The following SDK1 variants were observed in gnomAD, a reference collection of about 807,000 sequenced individuals.
SDK1 encodes the protein protein sidekick-1.
A neutral mutation model predicts 245.5 loss-of-function variants in SDK1; 157 were observed. The observed-to-expected ratio is 0.64, with a 90% CI of 0.56 to 0.73. The LOEUF (loss-of-function observed/expected upper bound fraction) is 0.73, where lower values mean the gene tolerates loss of function less well. Ranked by LOEUF, SDK1 falls within the 30% of genes least tolerant of loss-of-function variation. SDK1 has a pLI of 0.00. For missense variants in SDK1, 3,583 were observed against 3,002.3 expected (o/e 1.19, Z -4.52); for synonymous variants, 1,647 against 1,278.5 (o/e 1.29, Z -6.15).
At chr7:3,740,084 TG>T (rs1200096123) in intron 4 of SDK1, among the ~76,000 whole-genome samples, 1 of 152,178 alleles carries the variant, frequency 6.6e-6, no homozygotes, top group African/African-American at 2.4e-5. Context: ...TCCAAGCCTT[TG>T]GGAAGGGACT....
chr7:3,942,187 T>G (rs1780395198), intron 5 of SDK1, among the ~76,000 whole-genome samples: 4 of 152,204 alleles, frequency 2.6e-5, no homozygotes, highest in Admixed American at 2.0e-4. Flanking sequence ...ATTACAGGCG[T>G]GAGCCACTGC....
chr7:3,504,187 T>TGTGTGTGTGTGC (rs2128609258), intron 1 of SDK1, among the ~76,000 whole-genome samples: 1 of 149,462 alleles, frequency 6.7e-6, no homozygotes, highest in South Asian at 2.2e-4. Context: ...TATATATGTG[T>TGTGTGTGTGTGC]GTGTGTGTGT....
intron 4 of SDK1, among the ~76,000 whole-genome samples, chr7:3,743,883 A>G (rs1779543602): frequency 6.6e-6 from 1 of 152,212 alleles, no homozygotes; most frequent in South Asian, 2.1e-4. Context: ...AATGGATCAT[A>G]AAAGATGTCT....
In SDK1 at chr7:3,732,012, G is replaced by A. The variant is rs141357884; in HGVS notation, c.714-89438G>A. 3.8e-3 allele frequency among the ~76,000 whole-genome samples: 572 copies of A among 152,104 alleles called. 8 individuals carry two copies. Among genetic ancestry groups the A allele is most frequent in the African/African-American group, 0.013 (534 of 41,484 alleles). On this transcript the variant is annotated intron_variant, in intron 4 of 44. Coordinates refer to ENST00000404826, the MANE Select transcript of SDK1 (RefSeq NM_152744.4). Reference sequence around the variant, plus strand: ...TCACCGTGTTGGTCAGGGTGGTCTCGATCTCCTGACCTCGTGATCCACCCG... The same window carrying A: ...TCACCGTGTTGGTCAGGGTGGTCTCAATCTCCTGACCTCGTGATCCACCCG...
intron 4 of SDK1, among the ~76,000 whole-genome samples, chr7:3,735,071 A>G (rs1779281257): frequency 6.6e-6 from 1 of 152,144 alleles, no homozygotes; most frequent in Non-Finnish European, 1.5e-5. Flanking sequence ...TGGAATGTAG[A>G]GGTATCTCCA....
chr7:4,044,644 C>A (rs765107278), intron 17 of SDK1, among the ~76,000 whole-genome samples: 2 of 151,924 alleles, frequency 1.3e-5, no homozygotes, highest in African/African-American at 2.4e-5. Flanking sequence ...ATTATCTCAC[C>A]CTGTTGCCCA....
intron 18 of SDK1, among the ~76,000 whole-genome samples, chr7:4,049,768 C>T (rs1222485000): frequency 3.3e-5 from 5 of 152,190 alleles, no homozygotes; most frequent in Non-Finnish European, 7.3e-5. Flanking sequence ...AATATTTGCA[C>T]AAACTACTTC....
intron 1 of SDK1, among the ~76,000 whole-genome samples, chr7:3,593,465 C>G (rs1355727713): frequency 1.3e-5 from 2 of 152,204 alleles, no homozygotes; most frequent in African/African-American, 4.8e-5. Context: ...CTCAGCTCAT[C>G]TTTGTATACT....
intron 2 of SDK1, among the ~76,000 whole-genome samples, chr7:3,628,336 A>G (rs1336198387): frequency 6.6e-6 from 1 of 152,110 alleles, no homozygotes; most frequent in African/African-American, 2.4e-5. Flanking sequence ...ATATATATGT[A>G]TATACAAAAT....
At position 3,302,648 on chromosome 7, in the gene SDK1, C is replaced by G. The variant is rs537421022; in HGVS notation, c.298+764C>G. ...GCCCCCGACAAAACCCGTAACGTACCCCTGCCAGCTAGCATCGTTTTCTTT... is the reference window on the plus strand; with the variant it reads ...GCCCCCGACAAAACCCGTAACGTACGCCTGCCAGCTAGCATCGTTTTCTTT... On this transcript the variant is annotated intron_variant, in intron 1 of 44. Transcript: ENST00000404826. 4.5e-3 allele frequency among the ~76,000 whole-genome samples: 678 copies of G among 150,770 alleles called. 3 individuals carry two copies. The highest frequency in any genetic ancestry group is 6.7e-3 in the Non-Finnish European group (452 of 67,624).
chr7:3,303,913 T>A (rs1214557242), intron 1 of SDK1, among the ~76,000 whole-genome samples: 1 of 152,180 alleles, frequency 6.6e-6, no homozygotes, highest in Non-Finnish European at 1.5e-5. Flanking sequence ...TTGAATCTTA[T>A]CAGATGTAAC....
chr7:3,592,824 A>G (rs999556538), intron 1 of SDK1, among the ~76,000 whole-genome samples: 1 of 152,180 alleles, frequency 6.6e-6, no homozygotes, highest in African/African-American at 2.4e-5. Flanking sequence ...ATTAGGAAGT[A>G]TATGTTTGTT....
At chr7:3,951,616 C>T (rs1266437195) in intron 6 of SDK1, 114 bp from the exon 7 acceptor site, 21 of 861,086 alleles carry the variant, frequency 2.4e-5, no homozygotes, top group Non-Finnish European at 3.9e-5. Context: ...GTTCAACCCA[C>T]CATGCACCCT....
In SDK1 at chr7:3,990,223, C is replaced by T. The variant is rs541718430; in HGVS notation, c.2131+2901C>T. Reference sequence around the variant, plus strand: ...TCCGGGTCTTAGGCTTCTAAGGTTACACCTTCCAGTCCTGGGCACCACCTC... The same window carrying T: ...TCCGGGTCTTAGGCTTCTAAGGTTATACCTTCCAGTCCTGGGCACCACCTC... On this transcript the variant is annotated intron_variant, in intron 14 of 44. Coordinates refer to ENST00000404826, the MANE Select transcript of SDK1 (RefSeq NM_152744.4). 1.3e-4 allele frequency among the ~76,000 whole-genome samples: 20 copies of T among 152,356 alleles called. No homozygotes were observed. In the East Asian group the frequency reaches 3.7e-3, roughly 28 times the overall value.
intron 1 of SDK1, among the ~76,000 whole-genome samples, chr7:3,548,629 G>C (rs1292804013): frequency 2.0e-5 from 3 of 152,136 alleles, no homozygotes; most frequent in African/African-American, 7.2e-5. Context: ...GGGCACCCAG[G>C]CTTTTGAAAT....
At chr7:3,766,042 A>G (rs1221156949) in intron 4 of SDK1, among the ~76,000 whole-genome samples, 10 of 152,204 alleles carry the variant, frequency 6.6e-5, no homozygotes, top group Non-Finnish European at 1.5e-4. Flanking sequence ...TAATAAGTGT[A>G]TCATTTATTT....
At chr7:3,544,210 A>G (rs900020426) in intron 1 of SDK1, among the ~76,000 whole-genome samples, 2 of 152,184 alleles carry the variant, frequency 1.3e-5, no homozygotes, top group African/African-American at 4.8e-5. Flanking sequence ...AGAATTCTTC[A>G]CCTCCCAAAG....
At chr7:3,885,457 G>T (rs1194463840) in intron 5 of SDK1, among the ~76,000 whole-genome samples, 1 of 152,060 alleles carries the variant, frequency 6.6e-6, no homozygotes, top group South Asian at 2.1e-4. Flanking sequence ...TTTATTGTAC[G>T]TTATTATCCC....
At chr7:3,690,865 TAGAC>T (rs1163733964) in intron 4 of SDK1, among the ~76,000 whole-genome samples, 2 of 152,228 alleles carry the variant, frequency 1.3e-5, no homozygotes, top group African/African-American at 4.8e-5. Flanking sequence ...ACTTTCATAA[TAGAC>T]AGTCTCAAAA....
Sources: allele counts gnomAD v4.1 joint callset (sites outside exome capture counted in the v4.1 genomes callset), GRCh38; gene constraint gnomAD v4.1.1; transcripts MANE v1.5; gene names NCBI Gene and HGNC (gene_info 2026-07-23, HGNC 2026-07-21).